The following ARHGAP19 variants were observed in gnomAD, a reference collection of about 807,000 sequenced individuals.
The protein encoded by ARHGAP19 is rho GTPase-activating protein 19.
A neutral mutation model predicts 60.9 loss-of-function variants in ARHGAP19; 48 were observed. The observed-to-expected ratio is 0.79, with a 90% CI of 0.62 to 1.00. The LOEUF (loss-of-function observed/expected upper bound fraction) is 1.00. Among genes scored for constraint, ARHGAP19 ranks in the 50% least tolerant of loss-of-function variants. ARHGAP19 has a pLI of 0.00. For missense variants in ARHGAP19, 562 were observed against 597.2 expected (o/e 0.94, Z 0.61); for synonymous variants, 209 against 215.5 (o/e 0.97, Z 0.27).
At chr10:97,257,200 T>C (rs1275758337) in intron 5 of ARHGAP19, among the ~76,000 whole-genome samples, 1 of 152,124 alleles carries the variant, frequency 6.6e-6, no homozygotes, top group Non-Finnish European at 1.5e-5. Context: ...CTGTCTTTTT[T>C]AAGTAATTCA....
intron 6 of ARHGAP19, among the ~76,000 whole-genome samples, chr10:97,246,623 A>G (rs578218916): frequency 4.6e-5 from 7 of 152,328 alleles, no homozygotes; most frequent in African/African-American, 1.7e-4. Flanking sequence ...AGACAAAAAC[A>G]TAGACATTTG....
intron 7 of ARHGAP19, among the ~76,000 whole-genome samples, chr10:97,245,092 G>T (rs995419043): frequency 6.6e-6 from 1 of 151,790 alleles, no homozygotes; most frequent in Non-Finnish European, 1.5e-5. Flanking sequence ...TGCAACCTCC[G>T]CCTCCTGAGC....
At chr10:97,228,607 C>T (rs917730805) in intron 11 of ARHGAP19, among the ~76,000 whole-genome samples, 8 of 152,128 alleles carry the variant, frequency 5.3e-5, no homozygotes, top group Admixed American at 2.0e-4. Flanking sequence ...GAGGAAGGCA[C>T]AGCAGGCTTT....
chr10:97,256,438 T>C (rs1312232452), intron 5 of ARHGAP19, 34 bp from the exon 6 acceptor site: 3 of 1,487,922 alleles, frequency 2.0e-6, no homozygotes, highest in East Asian at 2.3e-5. Context: ...ACAATGGACA[T>C]TAAGAGCTAG....
intron 7 of ARHGAP19, among the ~76,000 whole-genome samples, chr10:97,245,304 G>A (rs1842547533): frequency 2.0e-5 from 3 of 151,958 alleles, no homozygotes; most frequent in Non-Finnish European, 4.4e-5. Flanking sequence ...ACCACACTCG[G>A]CCATAACTTC....
intron 8 of ARHGAP19, among the ~76,000 whole-genome samples, chr10:97,239,553 TGTGTGTGTGTGTGTGTGTG>T (rs1842441900): frequency 2.9e-3 from 30 of 10,302 alleles, no homozygotes; most frequent in Admixed American, 0.016. Flanking sequence ...AGAGAGAGGG[TGTGTGTGTGTGTGTGTGTG>T]TGTGTGTGTG....
intron 1 of ARHGAP19, among the ~76,000 whole-genome samples, chr10:97,281,351 T>C (rs1843083975): frequency 6.6e-6 from 1 of 152,118 alleles, no homozygotes; most frequent in East Asian, 1.9e-4. Context: ...CAGTGAGGTG[T>C]GTTCTTGCCC....
At chr10:97,263,752 T>C in intron 3 of ARHGAP19, 123 bp from the exon 4 acceptor site, 1 of 988,000 alleles carries the variant, frequency 1.0e-6, no homozygotes, top group South Asian at 1.6e-5. Context: ...TCAAGTAAGT[T>C]TTTGCCTTTT....
intron 1 of ARHGAP19, chr10:97,278,093 C>T (rs1218683815): frequency 1.3e-5 from 2 of 153,242 alleles, no homozygotes; most frequent in African/African-American, 4.8e-5. Context: ...CAAACTTATA[C>T]TCTGTAAGCA....
chr10:97,292,462 G>T, intron 1 of ARHGAP19, 110 bp downstream of exon 1: 1 of 1,390,166 alleles, frequency 7.2e-7, no homozygotes, highest in Non-Finnish European at 1.0e-6. Context: ...AAACGCCGTG[G>T]GAGAAAGAAA....
At chr10:97,234,415 TAAAAAAAAAA>T (rs10592924) in intron 9 of ARHGAP19, among the ~76,000 whole-genome samples, 25 of 124,130 alleles carry the variant, frequency 2.0e-4, no homozygotes, top group African/African-American at 7.9e-4. Flanking sequence ...AAATAAAAAT[TAAAAAAAAAA>T]AAAAAAAAAA....
At chr10:97,229,052 C>A in intron 11 of ARHGAP19, 95 bp downstream of exon 11, 1 of 1,239,270 alleles carries the variant, frequency 8.1e-7, no homozygotes, top group South Asian at 1.2e-5. Context: ...CTTCTGACTA[C>A]AAATGTACTA....
chr10:97,227,022 C>T (rs1032477295), intron 11 of ARHGAP19, among the ~76,000 whole-genome samples: 3 of 152,170 alleles, frequency 2.0e-5, no homozygotes, highest in African/African-American at 4.8e-5. Context: ...CTCCCAGCAT[C>T]GATGGGGTAA....
At chr10:97,263,081 C>A (rs1366343538) in intron 4 of ARHGAP19, among the ~76,000 whole-genome samples, 4 of 152,196 alleles carry the variant, frequency 2.6e-5, no homozygotes. Flanking sequence ...CCACTGCACT[C>A]CAGCCTAAGT....
At chr10:97,280,596 T>C (rs192760180) in intron 1 of ARHGAP19, among the ~76,000 whole-genome samples, 177 of 151,828 alleles carry the variant, frequency 1.2e-3, no homozygotes, top group African/African-American at 3.4e-3. Context: ...TTTTTTTTTT[T>C]CCCCTAAGAC....
At chr10:97,270,355 T>C (rs1350410141) in intron 1 of ARHGAP19, among the ~76,000 whole-genome samples, 2 of 152,204 alleles carry the variant, frequency 1.3e-5, no homozygotes, top group East Asian at 3.8e-4. Flanking sequence ...AGATGAAAGA[T>C]GGAAAAGAGT....
intron 9 of ARHGAP19, among the ~76,000 whole-genome samples, chr10:97,230,154 T>C (rs767555371): frequency 4.6e-5 from 7 of 152,200 alleles, no homozygotes; most frequent in Non-Finnish European, 8.8e-5. Flanking sequence ...CAAGCTAATA[T>C]AGGTCAATTA....
At chr10:97,239,444 C>CGAGATCG (rs1217260596) in intron 8 of ARHGAP19, among the ~76,000 whole-genome samples, 1 of 151,040 alleles carries the variant, frequency 6.6e-6, no homozygotes, top group African/African-American at 2.4e-5. Context: ...TGCAGTGAGC[C>CGAGATCG]GAGATCGGAG....
chr10:97,282,665 C>T (rs1395106172), intron 1 of ARHGAP19, among the ~76,000 whole-genome samples: 1 of 152,092 alleles, frequency 6.6e-6, no homozygotes, highest in Non-Finnish European at 1.5e-5. Context: ...GGAACTCTGC[C>T]CTAGGGACCC....
Sources: allele counts gnomAD v4.1 joint callset (sites outside exome capture counted in the v4.1 genomes callset), GRCh38; gene constraint gnomAD v4.1.1; transcripts MANE v1.5; gene names NCBI Gene and HGNC (gene_info 2026-07-23, HGNC 2026-07-21).